The following PITPNA variants were observed in gnomAD, a reference collection of about 807,000 sequenced individuals.
PITPNA encodes phosphatidylinositol transfer protein alpha, also known as phosphatidylinositol transfer protein alpha isoform.
Under a neutral mutation model 50.3 loss-of-function variants are expected in PITPNA, and 13 were observed. That is an observed-to-expected ratio of 0.26 (90% confidence interval 0.17 to 0.41). PITPNA has a LOEUF of 0.41. Ranked by LOEUF, PITPNA falls within the 10% of genes least tolerant of loss-of-function variation. PITPNA has a pLI of 1.00. For synonymous variants in PITPNA, 120 were observed against 119.6 expected (o/e 1.00, Z -0.02); for missense variants, 207 against 333.4 (o/e 0.62, Z 2.95).
At position 1,538,852 on chromosome 17, in the gene PITPNA, C is replaced by A. The variant is rs752251992; in HGVS notation, c.456+17G>T. 3.9e-5 allele frequency: 61 copies of A among 1,580,222 alleles called. 1 individual carries two copies. In the South Asian group the frequency reaches 6.8e-4, roughly 18 times the overall value. On this transcript the variant is annotated intron_variant, in intron 7 of 11. Coordinates refer to ENST00000313486, the MANE Select transcript of PITPNA (RefSeq NM_006224.4). The stretch of plus-strand genomic sequence containing the variant: ...TCTGCGTCTCGAAGGCCACCCACGT[C>A]TTTAAACGGATCCTACCTTGCTGAG...
intron 2 of PITPNA, among the ~76,000 whole-genome samples, chr17:1,554,726 T>A (rs1224044319): frequency 1.3e-5 from 2 of 152,006 alleles, no homozygotes; most frequent in Admixed American, 1.3e-4. Flanking sequence ...ATCTGGAAAG[T>A]GAAGCAGAGG....
At chr17:1,558,483 A>G in intron 2 of PITPNA, 46 bp downstream of exon 2, 1 of 1,329,544 alleles carries the variant, frequency 7.5e-7, no homozygotes, top group Non-Finnish European at 1.1e-6. Context: ...GCCAATGGTC[A>G]CAAACAGTTA....
At chr17:1,542,714 T>C (rs1210875078) in intron 5 of PITPNA, among the ~76,000 whole-genome samples, 1 of 152,170 alleles carries the variant, frequency 6.6e-6, no homozygotes, top group Non-Finnish European at 1.5e-5. Flanking sequence ...GTCAGGTCAG[T>C]TGAATGGAGC....
Position 1,535,164 on chromosome 17 carries a change from C to G in PITPNA, c.645+18G>C. ...ACACACACGCAGTCACTGGGAAGGCCTCAGCCGAGCTACTTACCTTATGGA... is the reference window on the plus strand; with the variant it reads ...ACACACACGCAGTCACTGGGAAGGCGTCAGCCGAGCTACTTACCTTATGGA... On this transcript the variant is annotated intron_variant, in intron 9 of 11. Transcript: ENST00000313486. 10 of 1,515,548 alleles carry G rather than the reference C, an allele frequency of 6.6e-6. No homozygotes were observed. The highest frequency in any genetic ancestry group is 9.2e-6 in the Non-Finnish European group (10 of 1,090,736). 93.9% of individuals were successfully genotyped at this position (1,515,548 alleles called of 1,614,324 possible). A position where few individuals can be genotyped will look rare whatever the true frequency, so the allele number is the denominator to read the frequency against.
chr17:1,536,964 T>C (rs975020447), intron 7 of PITPNA, among the ~76,000 whole-genome samples: 23 of 142,754 alleles, frequency 1.6e-4, no homozygotes, highest in Non-Finnish European at 3.0e-4. Context: ...AGTGGCACAA[T>C]CTCAGCTCAA....
At chr17:1,532,169 C>T (rs1206256296) in intron 10 of PITPNA, among the ~76,000 whole-genome samples, 1 of 152,150 alleles carries the variant, frequency 6.6e-6, no homozygotes, top group Non-Finnish European at 1.5e-5. Flanking sequence ...CTCACTGCAA[C>T]CTCTGCCTCC....
chr17:1,537,725 TG>T (rs2075626149), intron 7 of PITPNA, among the ~76,000 whole-genome samples: 1 of 152,032 alleles, frequency 6.6e-6, no homozygotes, highest in African/African-American at 2.4e-5. Flanking sequence ...GTTTTGAAGG[TG>T]GGGGTTGGGA....
chr17:1,550,241 A>G (rs2075701156), intron 3 of PITPNA, among the ~76,000 whole-genome samples: 1 of 152,176 alleles, frequency 6.6e-6, no homozygotes, highest in East Asian at 1.9e-4. Context: ...GCGTGTAACT[A>G]GACAAGGCCA....
In PITPNA at chr17:1,519,790, A is replaced by T. The variant is rs2075497832; in HGVS notation, c.*771T>A. ...GGGGCCACACTGGACAATTCCCTCC[A>T]AGTGGAGAGTTGACTGGGGCGATTT... On this transcript the variant is annotated 3_prime_UTR_variant, in exon 12 of 12. Transcript: ENST00000313486. 6.6e-6 allele frequency: 1 copy of T among 152,372 alleles called. No homozygotes were observed. 9.4% of individuals were successfully genotyped at this position (152,372 alleles called of 1,614,324 possible).
chr17:1,560,445 CGAGTCGGGCAG>C (rs1567589666), intron 1 of PITPNA, among the ~76,000 whole-genome samples: 3 of 152,278 alleles, frequency 2.0e-5, no homozygotes, highest in African/African-American at 7.2e-5. Context: ...ACACGGGGCA[CGAGTCGGGCAG>C]GAAGGAAACG....
chr17:1,529,300 A>G (rs1211930835), intron 10 of PITPNA, among the ~76,000 whole-genome samples: 1 of 151,938 alleles, frequency 6.6e-6, no homozygotes, highest in East Asian at 1.9e-4. Context: ...AGGCAGGTGC[A>G]TTGCCTGAGC....
At chr17:1,541,740 T>C (rs2075648980) in intron 5 of PITPNA, 100 bp from the exon 6 acceptor site, 1 of 790,594 alleles carries the variant, frequency 1.3e-6, no homozygotes, top group Non-Finnish European at 2.2e-6. Context: ...CATGGGCAGC[T>C]AGGAGATTCC....
intron 2 of PITPNA, among the ~76,000 whole-genome samples, chr17:1,553,691 G>C (rs2075721013): frequency 6.6e-6 from 1 of 152,172 alleles, no homozygotes; most frequent in Non-Finnish European, 1.5e-5. Context: ...GAAATCACTG[G>C]ATCTCACCCA....
At chr17:1,558,769 A>ACCCCCCCCCCCCCCCCCCCCCCCCC (rs147366133) in intron 1 of PITPNA, among the ~76,000 whole-genome samples, 2 of 22,694 alleles carry the variant, frequency 8.8e-5, no homozygotes, top group African/African-American at 2.4e-4. Context: ...CTGTGACAAC[A>ACCCCCCCCCCCCCCCCCCCCCCCCC]CCCCCCCCCC....
At position 1,562,434 on chromosome 17, in the gene PITPNA, G is replaced by A. The variant is rs2075773342; in HGVS notation, c.20+107C>T. ...CCCGCCTCAGGCACCCTCCGTCCCT[G>A]CTGCCCCTCCGTCCATCCGGGCCCT... On this transcript the variant is annotated intron_variant, in intron 1 of 11. Coordinates refer to ENST00000313486, the MANE Select transcript of PITPNA (RefSeq NM_006224.4). The surrounding 1 kb of genome is among the most constrained non-coding windows in gnomAD (Gnocchi z 6.4). The A allele has an allele frequency of 3.2e-6, 3 of 934,074 alleles. No individual in the cohort carries two copies. Among genetic ancestry groups the A allele is most frequent in the Non-Finnish European group, 3.0e-6 (2 of 672,496 alleles). 57.9% of individuals were successfully genotyped at this position (934,074 alleles called of 1,614,324 possible). A position where few individuals can be genotyped will look rare whatever the true frequency, so the allele number is the denominator to read the frequency against.
chr17:1,546,213 G>A (rs1341157597), intron 4 of PITPNA, among the ~76,000 whole-genome samples: 1 of 152,072 alleles, frequency 6.6e-6, no homozygotes, highest in Non-Finnish European at 1.5e-5. Context: ...ACAGGCATGA[G>A]CCACCGTGCC....
chr17:1,543,404 G>A (rs79644148), intron 4 of PITPNA, among the ~76,000 whole-genome samples: 1,757 of 152,194 alleles, frequency 0.012, 22 homozygotes, highest in Non-Finnish European at 0.015. Flanking sequence ...TCTACCTCCC[G>A]GGGCACAGAG....
intron 6 of PITPNA, among the ~76,000 whole-genome samples, chr17:1,540,228 AG>A: frequency 6.6e-6 from 1 of 152,372 alleles, no homozygotes. Flanking sequence ...GCGTCTGTTT[AG>A]CAACATGCTG....
chr17:1,535,417 T>TG (rs1469498902), intron 8 of PITPNA, 24 bp downstream of exon 8: 1 of 1,589,632 alleles, frequency 6.3e-7, no homozygotes, highest in Non-Finnish European at 8.6e-7. Flanking sequence ...CCCAGCCCCC[T>TG]GGCAGTGAAG....
Sources: gnomAD v4.1 joint callset for allele counts (sites outside exome capture counted in the v4.1 genomes callset) on GRCh38, gnomAD v4.1.1 for gene constraint, Gnocchi (gnomAD v3.1) non-coding constraint, MANE v1.5 for transcripts, NCBI Gene and HGNC (gene_info 2026-07-23, HGNC 2026-07-21) for gene names.